SPATC1: variants seen among roughly 807,000 people sequenced by gnomAD.
SPATC1 encodes speriolin.
A neutral mutation model predicts 36.5 loss-of-function variants in SPATC1; 35 were observed. The ratio of observed to expected loss-of-function variants is 0.96; its 90% CI spans 0.73 to 1.27. The LOEUF (loss-of-function observed/expected upper bound fraction) is 1.27, where lower values mean the gene tolerates loss of function less well. Ranked by LOEUF, SPATC1 falls within the 50% of genes most tolerant of loss-of-function variation. The probability of loss-of-function intolerance (pLI) is 0.00; values close to 1 mark genes in which losing one functional copy is unlikely to be tolerated. For synonymous variants in SPATC1, 361 were observed against 353.6 expected, an observed-to-expected ratio of 1.02 and a Z score of -0.24; for missense variants, 779 against 796.0, an observed-to-expected ratio of 0.98 and a Z score of 0.26.
At chr8:144,042,286 T>C (rs186048227) in intron 4 of SPATC1, among the ~76,000 whole-genome samples, 21 of 29,608 alleles carry the variant, frequency 7.1e-4, no homozygotes, top group African/African-American at 4.1e-3. Flanking sequence ...GCCCAGCTAA[T>C]ATATATATAT....
At chr8:144,011,524 G>A (rs1834283036), upstream of SPATC1, among the ~76,000 whole-genome samples, 1 of 152,140 alleles carries the variant, frequency 6.6e-6, no homozygotes, top group African/African-American at 2.4e-5. This position sits in a 1 kb window ranked among gnomAD's most constrained non-coding sequence, Gnocchi z 4.5. Flanking sequence ...CCCAAAAAGA[G>A]GTTTGAGGGA....
chr8:144,041,017 C>A lies in SPATC1; in HGVS notation c.1216C>A (p.Arg406Ser), dbSNP rs782157109. 6.2e-7 allele frequency: 1 copy of A among 1,612,450 alleles called. No homozygotes were observed. The highest frequency in any genetic ancestry group is 1.3e-5 in the African/African-American group (1 of 74,966). ...PASVNDSRGP[R>S]TTEPSTKSMM... is the part of the protein sequence containing the mutation. ...TTCAGTCAATGACTCTCGAGGTCCA[C>A]GCACCACAGAACCGTCGACGAAGAG... Residue 406 changes from arginine (R) to serine (S), a missense_variant, in exon 3 of 5, where the codon CGC (arginine) becomes AGC (serine). Arg to Ser is a moderately radical substitution (Grantham distance 110). Transcript: ENST00000377470.
chr8:144,041,413 C>G (rs781822015), intron 4 of SPATC1, 42 bp downstream of exon 4: 15 of 1,594,330 alleles, frequency 9.4e-6, no homozygotes, highest in Non-Finnish European at 1.3e-5. Context: ...GGCAGGTTGG[C>G]CCATGAGGGG....
In SPATC1 at chr8:144,020,664, G is replaced by A. The variant is rs1398516493; in HGVS notation, c.211+7938G>A. Reference sequence around the variant, plus strand: ...ATACTCTCCCTTCAGGACCCTCCCCGCCAGGACCCTCTCCCCTCGCACCCC... The same window carrying A: ...ATACTCTCCCTTCAGGACCCTCCCCACCAGGACCCTCTCCCCTCGCACCCC... On this transcript the variant is annotated intron_variant, in intron 1 of 4. Coordinates refer to ENST00000377470, the MANE Select transcript of SPATC1 (RefSeq NM_198572.3). 4.1e-3 allele frequency among the ~76,000 whole-genome samples: 11 copies of A among 2,680 alleles called. 1 individual carries two copies. Among genetic ancestry groups the A allele is most frequent in the South Asian group, 0.022 (2 of 90 alleles). The allele number at this position is 2,680 out of a possible 152,430, so 1.8% of individuals were successfully genotyped here.
intron 1 of SPATC1, 47 bp from the exon 2 acceptor site, chr8:144,039,862 T>C (rs1323370170): frequency 6.3e-7 from 1 of 1,576,098 alleles, no homozygotes; most frequent in East Asian, 2.2e-5. Context: ...CTCGCCGTGG[T>C]CTGGAGGGGC....
chr8:144,027,225 C>T (rs1007228218), intron 1 of SPATC1, among the ~76,000 whole-genome samples: 7 of 152,200 alleles, frequency 4.6e-5, no homozygotes, highest in East Asian at 3.9e-4. Context: ...CCTGCCACCT[C>T]GGCCGCCCAA....
chr8:144,018,832 G>C (rs990986194), intron 1 of SPATC1, among the ~76,000 whole-genome samples: 2 of 137,476 alleles, frequency 1.5e-5, no homozygotes, highest in African/African-American at 5.5e-5. Flanking sequence ...AGGAGTTTGA[G>C]ACCATCCTGG....
At chr8:144,019,865 C>T (rs1188792070) in intron 1 of SPATC1, among the ~76,000 whole-genome samples, 1 of 152,000 alleles carries the variant, frequency 6.6e-6, no homozygotes, top group South Asian at 2.1e-4. Flanking sequence ...ACACACCTAC[C>T]TGAGGATCCT....
intron 1 of SPATC1, among the ~76,000 whole-genome samples, chr8:144,025,569 C>T (rs1462227486): frequency 6.6e-6 from 1 of 152,024 alleles, no homozygotes; most frequent in Non-Finnish European, 1.5e-5. Flanking sequence ...GTACATATTG[C>T]CTTGGAATAT....
At chr8:144,027,765 G>A in intron 1 of SPATC1, among the ~76,000 whole-genome samples, 1 of 152,298 alleles carries the variant, frequency 6.6e-6, no homozygotes, top group Admixed American at 6.5e-5. Flanking sequence ...TGCCAAGACA[G>A]GTGGATCACT....
chr8:144,037,979 A>G (rs1554755094), intron 1 of SPATC1, among the ~76,000 whole-genome samples: 2 of 150,638 alleles, frequency 1.3e-5, no homozygotes, highest in African/African-American at 4.9e-5. Flanking sequence ...AATACAAAAA[A>G]TTAGCCGGGC....
chr8:144,042,284 A>AAT (rs1554756220), intron 4 of SPATC1, among the ~76,000 whole-genome samples: 1,462 of 36,206 alleles, frequency 0.04, 92 homozygotes, highest in Non-Finnish European at 0.051. Context: ...ACGCCCAGCT[A>AAT]ATATATATAT....
intron 1 of SPATC1, among the ~76,000 whole-genome samples, chr8:144,019,875 T>G (rs1191383079): frequency 6.6e-6 from 1 of 151,542 alleles, no homozygotes; most frequent in Non-Finnish European, 1.5e-5. Context: ...CTGAGGATCC[T>G]CTCCCCTCAG....
In SPATC1 at chr8:144,045,992, G is replaced by A. The variant is rs1417281253; in HGVS notation, c.1447-635G>A. On this transcript the variant is annotated intron_variant, in intron 4 of 4. Transcript: ENST00000377470. This position sits in a 1 kb window ranked among gnomAD's most constrained non-coding sequence, Gnocchi z 5.2. ...GAGTGGAAACTGACCCAGATGTGCT[G>A]GTTCCCAGGCCCTGGCCCTGGCCCC... Among the ~76,000 whole-genome samples, 3 of 152,186 alleles carry A rather than the reference G, an allele frequency of 2.0e-5. No homozygotes were observed. The highest frequency in any genetic ancestry group is 4.4e-5 in the Non-Finnish European group (3 of 68,014).
Position 144,012,371 on chromosome 8 carries a change from C to A in SPATC1, c.-145C>A. On this transcript the variant is annotated 5_prime_UTR_variant, in exon 1 of 5. Coordinates refer to ENST00000377470, the MANE Select transcript of SPATC1 (RefSeq NM_198572.3). ...AGAGAGGGCAAGGAAGAGGGCACAG[C>A]CTCTGACCTCACAATACCCAGGGCC... 1 of 663,472 alleles carries A rather than the reference C, an allele frequency of 1.5e-6. No individual in the cohort carries two copies. The highest frequency in any genetic ancestry group is 2.6e-6 in the Non-Finnish European group (1 of 377,926). The allele number at this position is 663,472 out of a possible 1,614,324, so 41.1% of individuals were successfully genotyped here.
Position 144,039,958 on chromosome 8 carries a change from A to T in SPATC1, c.261A>T (p.Glu87Asp). 1 of 1,613,912 alleles carries T rather than the reference A, an allele frequency of 6.2e-7. No individual in the cohort carries two copies. The highest frequency in any genetic ancestry group is 1.7e-4 in the Middle Eastern group (1 of 6,060). Reference protein sequence around the residue: ...SPAVANERVLEEVGIMALAPL... With the variant: ...SPAVANERVLDEVGIMALAPL... Reference sequence around the variant, plus strand: ...CAGTGGCAAACGAACGAGTCCTCGAAGAAGTGGGGATCATGGCCTTGGCAC... The same window carrying T: ...CAGTGGCAAACGAACGAGTCCTCGATGAAGTGGGGATCATGGCCTTGGCAC... Residue 87 changes from glutamate to aspartate, a missense_variant, in exon 2 of 5, where the codon GAA becomes GAT. Transcript: ENST00000377470.
intron 1 of SPATC1, among the ~76,000 whole-genome samples, chr8:144,019,939 CT>C (rs1834471453): frequency 6.6e-6 from 1 of 151,664 alleles, no homozygotes; most frequent in South Asian, 2.1e-4. Flanking sequence ...GGCAGGTCTC[CT>C]CCGGCAGGGG....
chr8:144,011,883 G>A (rs1313730009), upstream of SPATC1, among the ~76,000 whole-genome samples: 1 of 152,184 alleles, frequency 6.6e-6, no homozygotes, highest in Non-Finnish European at 1.5e-5. The surrounding 1 kb of genome is among the most constrained non-coding windows in gnomAD (Gnocchi z 4.5). Flanking sequence ...GAAATCATGG[G>A]CGAGTGTCCA....
At chr8:144,044,537 T>C (rs1835207835) in intron 4 of SPATC1, among the ~76,000 whole-genome samples, 1 of 150,372 alleles carries the variant, frequency 6.7e-6, no homozygotes, top group Non-Finnish European at 1.5e-5. Flanking sequence ...CTTGATCTCC[T>C]GACCTCGTGA....
Sources: gnomAD v4.1 joint callset for allele counts (sites outside exome capture counted in the v4.1 genomes callset) on GRCh38, gnomAD v4.1.1 for gene constraint, Gnocchi (gnomAD v3.1) non-coding constraint, MANE v1.5 for transcripts, NCBI Gene and HGNC (gene_info 2026-07-23, HGNC 2026-07-21) for gene names.